TAP1: variants seen among roughly 807,000 people sequenced by gnomAD.
TAP1 encodes antigen peptide transporter 1.
A neutral mutation model predicts 79.3 loss-of-function variants in TAP1; 56 were observed. That is an observed-to-expected ratio of 0.71 (90% confidence interval 0.57 to 0.88). The LOEUF is 0.88. TAP1 is among the 40% of genes least tolerant of loss of function. The probability of loss-of-function intolerance (pLI) is 0.00; values close to 1 mark genes in which losing one functional copy is unlikely to be tolerated. For synonymous variants in TAP1, 355 were observed against 401.4 expected (o/e 0.88, Z 1.38); for missense variants, 737 against 936.3 (o/e 0.79, Z 2.78).
chr6:32,849,205 T>C, intron 5 of TAP1, 87 bp from the exon 6 acceptor site: 1 of 1,510,734 alleles, frequency 6.6e-7, no homozygotes, highest in Non-Finnish European at 9.0e-7. Flanking sequence ...GAAGGAAATA[T>C]CAAGTCCCTG....
rs569449520 is a variant in TAP1 at position 32,850,201 on chromosome 6, G to A, written c.1248+119C>T. ...TCATTGAGCCTCAGGTTGCTAGGAC[G>A]AAAATACTGAACCAACCATTTCCCA... On this transcript the variant is annotated intron_variant, in intron 5 of 10. Transcript: ENST00000354258. This position sits in a 1 kb window ranked among gnomAD's most constrained non-coding sequence, Gnocchi z 5.5. The A allele has an allele frequency of 1.4e-5, 16 of 1,153,490 alleles. No homozygotes were observed. The highest frequency in any genetic ancestry group is 7.2e-5 in the Admixed American group (4 of 55,346). The allele number at this position is 1,153,490 out of a possible 1,614,324, so 71.5% of individuals were successfully genotyped here. A position where few individuals can be genotyped will look rare whatever the true frequency, so the allele number is the denominator to read the frequency against.
chr6:32,848,251 C>T lies in TAP1; in HGVS notation c.1567-159G>A, dbSNP rs17213826. 0.031 allele frequency: 29,405 copies of T among 934,574 alleles called. 1,154 individuals are homozygous for T. Among genetic ancestry groups the T allele is most frequent in the African/African-American group, 0.14 (8,398 of 61,034 alleles). 57.9% of individuals were successfully genotyped at this position (934,574 alleles called of 1,614,324 possible). A position where few individuals can be genotyped will look rare whatever the true frequency, so the allele number is the denominator to read the frequency against. The stretch of plus-strand genomic sequence containing the variant: ...ATGCACAGATTTCTGGGTGATGCCT[C>T]CCCAAGGAGTAGAGATAGAAGAAGC... On this transcript the variant is annotated intron_variant, in intron 7 of 10. Transcript: ENST00000354258.
At position 32,845,428 on chromosome 6, in the gene TAP1, T is replaced by C. The variant is rs184522493; in HGVS notation, c.*151A>G. On this transcript the variant is annotated 3_prime_UTR_variant, in exon 11 of 11. Coordinates refer to ENST00000354258, the MANE Select transcript of TAP1 (RefSeq NM_000593.6). The surrounding 1 kb of genome is among the most constrained non-coding windows in gnomAD (Gnocchi z 4.5). ...GTGTTTGTACTCCAGGAAGTCTGCATTATCACGAGGAGCTTGGAAAGGAGG... is the reference window on the plus strand; with the variant it reads ...GTGTTTGTACTCCAGGAAGTCTGCACTATCACGAGGAGCTTGGAAAGGAGG... The C allele has an allele frequency of 2.9e-3, 2,192 of 766,232 alleles. 46 individuals carry two copies. Among genetic ancestry groups the C allele is most frequent in the South Asian group, 0.024 (1,668 of 68,200 alleles). The allele number at this position is 766,232 out of a possible 1,614,324, so 47.5% of individuals were successfully genotyped here.
Position 32,847,304 on chromosome 6 carries a change from C to A in TAP1, c.1904-100G>T. The A allele has an allele frequency of 6.4e-7, 1 of 1,556,814 alleles. No individual in the cohort carries two copies. The highest frequency in any genetic ancestry group is 2.3e-5 in the East Asian group (1 of 43,826). ...CATGCATTCACGCACTCACACACAC[C>A]AAGATCTGACGGTTGTAGCTGGATA... On this transcript the variant is annotated intron_variant, in intron 9 of 10. Coordinates refer to ENST00000354258, the MANE Select transcript of TAP1 (RefSeq NM_000593.6). The surrounding 1 kb of genome is among the most constrained non-coding windows in gnomAD (Gnocchi z 4.7).
Position 32,850,444 on chromosome 6 carries a change from G to A in TAP1, c.1124C>T (p.Pro375Leu), listed in dbSNP as rs912296929. The A allele has an allele frequency of 1.2e-5, 20 of 1,614,096 alleles. No individual in the cohort carries two copies. In the East Asian group the frequency reaches 3.1e-4, roughly 25 times the overall value. ...QVAIEALSAMPTVRSFANEEG... is the reference protein window; with the variant it reads ...QVAIEALSAMLTVRSFANEEG... Reference sequence around the variant, plus strand: ...CTCGTTGGCAAAGCTTCGAACTGTAGGCATGGCCGACAGAGCCTCAATGGC... The same window carrying A: ...CTCGTTGGCAAAGCTTCGAACTGTAAGCATGGCCGACAGAGCCTCAATGGC... Residue 375 changes from proline (P) to leucine (L), a missense_variant, in exon 5 of 11, where the codon CCT becomes CTT. Transcript: ENST00000354258. This position sits in a 1 kb window ranked among gnomAD's most constrained non-coding sequence, Gnocchi z 5.5.
Position 32,847,748 on chromosome 6 carries a change from A to C in TAP1, c.1741-73T>G. On this transcript the variant is annotated intron_variant, in intron 8 of 10. Transcript: ENST00000354258. The surrounding 1 kb of genome is among the most constrained non-coding windows in gnomAD (Gnocchi z 4.7). ...ATGGTTATCTAGAGATCGAAGACTC[A>C]AAATCTTTATTGAGAACATGTCACA... The C allele has an allele frequency of 6.3e-7, 1 of 1,589,860 alleles. No homozygotes were observed.
Position 32,850,767 on chromosome 6 carries a change from T to G in TAP1, c.1050+177A>C, listed in dbSNP as rs1582637605. 6.6e-6 allele frequency among the ~76,000 whole-genome samples: 1 copy of G among 151,982 alleles called. No individual in the cohort carries two copies. On this transcript the variant is annotated intron_variant, in intron 4 of 10. Coordinates refer to ENST00000354258, the MANE Select transcript of TAP1 (RefSeq NM_000593.6). The surrounding 1 kb of genome is among the most constrained non-coding windows in gnomAD (Gnocchi z 5.5). Reference sequence around the variant, plus strand: ...GCTAGAAAAGAAGACCCAGAGAGTATGGAGGTTAATGTTGAGCAACCTGGG... The same window carrying G: ...GCTAGAAAAGAAGACCCAGAGAGTAGGGAGGTTAATGTTGAGCAACCTGGG...
At position 32,845,272 on chromosome 6, in the gene TAP1, C is replaced by G. The variant is rs1770283479; in HGVS notation, c.*307G>C. On this transcript the variant is annotated 3_prime_UTR_variant, in exon 11 of 11. Coordinates refer to ENST00000354258, the MANE Select transcript of TAP1 (RefSeq NM_000593.6). This position sits in a 1 kb window ranked among gnomAD's most constrained non-coding sequence, Gnocchi z 4.5. ...CAGGGTGTTTATGGGCCAGCATATG[C>G]CTTCAGTTATGTTGAAAATAGCTGA... 1 of 525,416 alleles carries G rather than the reference C, an allele frequency of 1.9e-6. No individual in the cohort carries two copies. The highest frequency in any genetic ancestry group is 1.9e-5 in the African/African-American group (1 of 52,586). The allele number at this position is 525,416 out of a possible 1,614,324, so 32.5% of individuals were successfully genotyped here.
rs1582629223 is a variant in TAP1 at position 32,847,604 on chromosome 6, G to A, written c.1812C>T (p.Thr604=). Residue 604 remains threonine (T), a synonymous_variant, in exon 9 of 11, where the codon ACC becomes ACT. Transcript: ENST00000354258. The surrounding 1 kb of genome is among the most constrained non-coding windows in gnomAD (Gnocchi z 4.7). ...SLQENIAYGL[T]QKPTMEEITA... ...TGATTTCCTCCATAGTTGGCTTCTG[G>A]GTCAGGCCATAGGCAATATTTTCTT... 2.5e-6 allele frequency: 4 copies of A among 1,613,988 alleles called. No individual in the cohort carries two copies. Among genetic ancestry groups the A allele is most frequent in the Non-Finnish European group, 2.5e-6 (3 of 1,180,020 alleles).
Position 32,845,721 on chromosome 6 carries a change from T to G in TAP1, c.2105A>C (p.His702Pro), listed in dbSNP as rs1478193582. ...YSRSVLLITQ[H>P]LSLVEQADHI... ...GTCAGCCTGCTCCACCAGGCTGAGG[T>G]GCTGGGTGATGAGAAGCACTGAGCG... The change falls in exon 11 of 11, where the codon CAC (histidine) becomes CCC (proline). Residue 702 changes from histidine to proline, a missense_variant. By Grantham distance (77) the His-to-Pro change is moderately conservative (BLOSUM62 -2). Around this residue, in one of 5 missense-constraint regions of TAP1, gnomAD observed 266 missense variants for 332.4 expected, o/e 0.80. Coordinates refer to ENST00000354258, the MANE Select transcript of TAP1 (RefSeq NM_000593.6). The surrounding 1 kb of genome is among the most constrained non-coding windows in gnomAD (Gnocchi z 4.5). 5 of 1,612,926 alleles carry G rather than the reference T, an allele frequency of 3.1e-6. No individual in the cohort carries two copies. Among genetic ancestry groups the G allele is most frequent in the Non-Finnish European group, 4.2e-6 (5 of 1,180,010 alleles).
In TAP1 at chr6:32,853,548, A is replaced by G. The variant is rs934921076; in HGVS notation, c.89T>C (p.Leu30Pro). Reference protein sequence around the residue: ...LAWLGTVLLLLADWVLLRTAL... With the variant: ...LAWLGTVLLLPADWVLLRTAL... ...GGTCCGGAGCAGCACCCAGTCGGCGAGAAGTAGCAGTACTGTCCCCAGCCA... is the reference window on the plus strand; with the variant it reads ...GGTCCGGAGCAGCACCCAGTCGGCGGGAAGTAGCAGTACTGTCCCCAGCCA... Residue 30 changes from leucine to proline, a missense_variant, in exon 1 of 11, where the codon CTC (leucine) becomes CCC (proline). Leu to Pro is a moderately conservative substitution (Grantham distance 98). Coordinates refer to ENST00000354258, the MANE Select transcript of TAP1 (RefSeq NM_000593.6). The surrounding 1 kb of genome is among the most constrained non-coding windows in gnomAD (Gnocchi z 8.3). 1.2e-6 allele frequency: 2 copies of G among 1,610,576 alleles called. No homozygotes were observed. Among genetic ancestry groups the G allele is most frequent in the Non-Finnish European group, 1.7e-6 (2 of 1,178,200 alleles).
At chr6:32,849,929 CTCA>C in intron 5 of TAP1, 1 of 320,406 alleles carries the variant, frequency 3.1e-6, no homozygotes, top group Non-Finnish European at 6.0e-6. Context: ...ACAGATGTCC[CTCA>C]TCCCTGGCTT....
In TAP1 at chr6:32,848,767, C is replaced by T. The variant is rs376553490; in HGVS notation, c.1451G>A (p.Arg484His). ...SSEKIFEYLD[R>H]TPRCPPSGLL... is the part of the protein sequence containing the mutation. Reference sequence around the variant, plus strand: ...ACCACTGGGTGGGCAGCGAGGGGTGCGGTCCAGGTACTCAAATATTTTCTC... The same window carrying T: ...ACCACTGGGTGGGCAGCGAGGGGTGTGGTCCAGGTACTCAAATATTTTCTC... Residue 484 changes from arginine (R) to histidine (H), a missense_variant, in exon 7 of 11, where the codon CGC (arginine) becomes CAC (histidine). Physicochemically the swap from Arg to His is conservative, Grantham distance 29. Coordinates refer to ENST00000354258, the MANE Select transcript of TAP1 (RefSeq NM_000593.6). 1.9e-5 allele frequency: 31 copies of T among 1,613,998 alleles called. No homozygotes were observed. The highest frequency in any genetic ancestry group is 2.7e-5 in the African/African-American group (2 of 74,968).
rs9469283 is a variant in TAP1, at chr6:32,845,979, G to A, written c.2041-194C>T. 39,403 of 621,242 alleles carry A rather than the reference G, an allele frequency of 0.063. 1,788 individuals carry two copies. The highest frequency in any genetic ancestry group is 0.17 in the African/African-American group (9,095 of 54,600). 38.5% of individuals were successfully genotyped at this position (621,242 alleles called of 1,614,324 possible). A position where few individuals can be genotyped will look rare whatever the true frequency, so the allele number is the denominator to read the frequency against. On this transcript the variant is annotated intron_variant, in intron 10 of 10. Coordinates refer to ENST00000354258, the MANE Select transcript of TAP1 (RefSeq NM_000593.6). This position sits in a 1 kb window ranked among gnomAD's most constrained non-coding sequence, Gnocchi z 4.5. The stretch of plus-strand genomic sequence containing the variant: ...CATTAAGGACTGTTTTACATGAAGG[G>A]TGCAAAAGTAGGATAAAAATGAGAA...
rs1252878576 is a variant in TAP1 at position 32,852,037 on chromosome 6, G to T, written c.844+72C>A. On this transcript the variant is annotated intron_variant, in intron 3 of 10. Coordinates refer to ENST00000354258, the MANE Select transcript of TAP1 (RefSeq NM_000593.6). This position sits in a 1 kb window ranked among gnomAD's most constrained non-coding sequence, Gnocchi z 4.8. ...TGTGTGAGAGAGAGAGAGCGGGGAG[G>T]GGGGAGATCAAAGCAGATGTATGAG... 1 of 1,597,452 alleles carries T rather than the reference G, an allele frequency of 6.3e-7. No individual in the cohort carries two copies. The highest frequency in any genetic ancestry group is 2.2e-5 in the East Asian group (1 of 44,798).
rs568844112 is a variant in TAP1, at chr6:32,847,142, C to G, written c.1966G>C (p.Ala656Pro). The change falls in exon 10 of 11, where the codon GCA becomes CCA. Residue 656 changes from alanine to proline, a missense_variant. This residue lies in a region of TAP1 where 266 missense variants were observed against 332.4 expected (regional missense o/e 0.80). Transcript: ENST00000354258. This position sits in a 1 kb window ranked among gnomAD's most constrained non-coding sequence, Gnocchi z 4.7. ...AGTACACACGGTTTCCGGATCAATG[C>G]TCGGGCCAACGCCACTGCCTGTCGC... ...GQRQAVALAR[A>P]LIRKPCVLIL... The G allele has an allele frequency of 3.7e-6, 6 of 1,612,960 alleles. No homozygotes were observed. In the African/African-American group the frequency reaches 6.7e-5, roughly 18 times the overall value.
rs773632224 is a variant in TAP1, at chr6:32,853,233, C to T, written c.404G>A (p.Ser135Asn). ...ADSTRLLHWG[S>N]HPTAFVVSYA... is the part of the protein sequence containing the mutation. ...ACTGACAACGAAGGCGGTAGGGTGA[C>T]TTCCCCAGTGCAGTAGCCTGGTGCT... The change falls in exon 1 of 11, where the codon AGT becomes AAT. Residue 135 changes from serine (S) to asparagine (N), a missense_variant. This residue lies in a region of TAP1 where 406 missense variants were observed against 477.2 expected (regional missense o/e 0.85). Transcript: ENST00000354258. This position sits in a 1 kb window ranked among gnomAD's most constrained non-coding sequence, Gnocchi z 8.3. The T allele has an allele frequency of 2.5e-6, 4 of 1,608,256 alleles. No individual in the cohort carries two copies. The highest frequency in any genetic ancestry group is 3.4e-5 in the Admixed American group (2 of 59,312).
In TAP1 at chr6:32,847,032, G is replaced by C; in HGVS notation, c.2040+36C>G. On this transcript the variant is annotated intron_variant, in intron 10 of 10. Coordinates refer to ENST00000354258, the MANE Select transcript of TAP1 (RefSeq NM_000593.6). This position sits in a 1 kb window ranked among gnomAD's most constrained non-coding sequence, Gnocchi z 4.7. ...AAGATGTATAAAAGAAGCAAGATTG[G>C]GTGGGATATAGCCATTAAGAAGATG... 3 of 1,609,818 alleles carry C rather than the reference G, an allele frequency of 1.9e-6. No homozygotes were observed. Among genetic ancestry groups the C allele is most frequent in the Non-Finnish European group, 2.5e-6 (3 of 1,179,964 alleles).
Position 32,848,090 on chromosome 6 carries a change from C to A in TAP1, c.1569G>T (p.Gly523=), listed in dbSNP as rs1245227284. 1 of 1,598,046 alleles carries A rather than the reference C, an allele frequency of 6.3e-7. No homozygotes were observed. The highest frequency in any genetic ancestry group is 8.5e-7 in the Non-Finnish European group (1 of 1,172,370). ...PNRPDVLVLQ[G]LTFTLRPGEV... ...CGCCAGGGCGTAGGGTGAATGTCAG[C>A]CCCTAGAGGCCAGAGAAGCACACGA... The change falls in exon 8 of 11, where the codon GGG becomes GGT. Residue 523 remains glycine (G), a splice_region_variant and synonymous_variant. Transcript: ENST00000354258.
Sources: gnomAD v4.1 joint callset for allele counts (sites outside exome capture counted in the v4.1 genomes callset) on GRCh38, gnomAD v4.1.1 for gene constraint, gnomAD v4.1.1 regional missense constraint, Gnocchi (gnomAD v3.1) non-coding constraint, MANE v1.5 for transcripts, NCBI Gene and HGNC (gene_info 2026-07-23, HGNC 2026-07-21) for gene names.